The following UBAP2 variants were observed in gnomAD, a reference collection of about 807,000 sequenced individuals.
UBAP2 encodes the protein ubiquitin associated protein 2.
In UBAP2, 75 loss-of-function variants were observed where a neutral mutation model predicts 139.6. The ratio of observed to expected loss-of-function variants is 0.54; its 90% CI spans 0.45 to 0.65. The LOEUF (loss-of-function observed/expected upper bound fraction) is 0.65, where lower values mean the gene tolerates loss of function less well. Among genes scored for constraint, UBAP2 ranks in the 30% least tolerant of loss-of-function variants. The pLI, the probability that UBAP2 is intolerant of heterozygous loss-of-function variation, is 0.00. For synonymous variants in UBAP2, 526 were observed against 526.2 expected (o/e 1.00, Z 0.01); for missense variants, 1,368 against 1,369.6 (o/e 1.00, Z 0.02).
intron 1 of UBAP2, among the ~76,000 whole-genome samples, chr9:34,020,420 G>T (rs1298113805): frequency 2.6e-5 from 4 of 151,820 alleles, no homozygotes; most frequent in African/African-American, 9.7e-5. Context: ...CACCTTCTGG[G>T]TTCAAGCAAT....
At chr9:33,975,997 C>G (rs1165714082) in intron 6 of UBAP2, among the ~76,000 whole-genome samples, 1 of 152,104 alleles carries the variant, frequency 6.6e-6, no homozygotes, top group Non-Finnish European at 1.5e-5. Flanking sequence ...AGGAGGATCG[C>G]TTGAGGCCAG....
chr9:33,929,927 C>G (rs905323696), intron 19 of UBAP2, among the ~76,000 whole-genome samples: 17 of 152,176 alleles, frequency 1.1e-4, no homozygotes, highest in African/African-American at 3.9e-4. Flanking sequence ...CTGCTTGAAC[C>G]TGGGAGGTGG....
chr9:33,986,726 T>C (rs766703712), intron 6 of UBAP2, 34 bp downstream of exon 6: 9 of 1,586,694 alleles, frequency 5.7e-6, no homozygotes, highest in Non-Finnish European at 6.9e-6. Flanking sequence ...TCCCCCTAAT[T>C]GAAAGCATTT....
chr9:33,950,091 A>C (rs556912613), intron 12 of UBAP2, among the ~76,000 whole-genome samples: 1 of 152,066 alleles, frequency 6.6e-6, no homozygotes, highest in Non-Finnish European at 1.5e-5. Context: ...TTTTTGAGAC[A>C]GTCTCGCTCT....
Position 33,943,410 on chromosome 9 carries a change from A to C in UBAP2, c.1715+10T>G. ...TATTTTGCTTCATAACAAAGGACTA[A>C]ATTCAGTACCTTAAAGACTTCGAAT... On this transcript the variant is annotated intron_variant, in intron 15 of 28. Coordinates refer to ENST00000379238, the MANE Select transcript of UBAP2 (RefSeq NM_001370062.2). The C allele has an allele frequency of 6.2e-7, 1 of 1,613,634 alleles. No individual in the cohort carries two copies. The highest frequency in any genetic ancestry group is 8.5e-7 in the Non-Finnish European group (1 of 1,179,798).
At chr9:33,977,218 T>C (rs1820213061) in intron 6 of UBAP2, among the ~76,000 whole-genome samples, 1 of 151,512 alleles carries the variant, frequency 6.6e-6, no homozygotes, top group South Asian at 2.1e-4. Context: ...TTTGTATTTT[T>C]ATTAGAGACG....
intron 1 of UBAP2, among the ~76,000 whole-genome samples, chr9:34,024,207 G>C (rs1411428202): frequency 1.3e-5 from 2 of 150,206 alleles, no homozygotes; most frequent in African/African-American, 4.9e-5. Context: ...CCGGGCGTGG[G>C]GGCACATGCC....
At position 34,048,366 on chromosome 9, in the gene UBAP2, AG is replaced by A. The variant is rs55780748; in HGVS notation, c.-42+458del. On this transcript the variant is annotated intron_variant, in intron 1 of 28. Coordinates refer to ENST00000379238, the MANE Select transcript of UBAP2 (RefSeq NM_001370062.2). ...GACTCCGGGTAAGCCAGGAAAGGTT[AG>A]AGAGCGCATAAGTTGGGGCTATAAC... Among the ~76,000 whole-genome samples, 1,283 of 152,352 alleles carry A rather than the reference AG, an allele frequency of 8.4e-3. 9 individuals carry two copies. The highest frequency in any genetic ancestry group is 0.031 in the Middle Eastern group (9 of 294).
chr9:33,995,936 T>A (rs899208448), intron 4 of UBAP2: 9 of 274,824 alleles, frequency 3.3e-5, no homozygotes, highest in Non-Finnish European at 6.8e-6. Flanking sequence ...GAGATGCTTT[T>A]CAGGTGGGGG....
Position 33,944,534 on chromosome 9 carries a change from A to C in UBAP2, c.1376T>G (p.Phe459Cys). The change falls in exon 14 of 29, where the codon TTT (phenylalanine) becomes TGT (cysteine). Residue 459 changes from phenylalanine to cysteine, a missense_variant. Phe to Cys is a radical substitution (Grantham distance 205). Transcript: ENST00000379238. The stretch of plus-strand genomic sequence containing the variant: ...TTCTCGAAGTTTTGCCTGGGAAGGA[A>C]AGGACTCCAAACCAGGAGGAGGAAC... ...VTVPPPGLES[F>C]PSQAKLREST... is the part of the protein sequence containing the mutation. 1 of 1,614,138 alleles carries C rather than the reference A, an allele frequency of 6.2e-7. No individual in the cohort carries two copies. The highest frequency in any genetic ancestry group is 1.3e-5 in the African/African-American group (1 of 75,034).
chr9:33,922,787 G>A lies in UBAP2; in HGVS notation c.3164C>T (p.Ala1055Val), dbSNP rs1380113503. ...TGGTGGGGGTGCATAGCCAGGGGCC[G>A]CTCCCGAGGCCAGGGGCCCAGTGGA... ...LGSTGPLASG[A>V]APGYAPPPFL... The change falls in exon 28 of 29, where the codon GCG becomes GTG. Residue 1055 changes from alanine to valine, a missense_variant. Coordinates refer to ENST00000379238, the MANE Select transcript of UBAP2 (RefSeq NM_001370062.2). The A allele has an allele frequency of 7.7e-6, 12 of 1,559,924 alleles. No homozygotes were observed. Among genetic ancestry groups the A allele is most frequent in the Middle Eastern group, 1.7e-4 (1 of 5,772 alleles).
intron 5 of UBAP2, 57 bp downstream of exon 5, chr9:33,988,916 G>A (rs1194705888): frequency 6.9e-5 from 107 of 1,551,726 alleles, no homozygotes; most frequent in South Asian, 3.1e-4. Context: ...AGGCTGAGGC[G>A]GGAGGGTCAC....
At chr9:34,002,275 C>T (rs188913484) in intron 2 of UBAP2, among the ~76,000 whole-genome samples, 1 of 151,978 alleles carries the variant, frequency 6.6e-6, no homozygotes, top group African/African-American at 2.4e-5. Context: ...TTATCAAAAA[C>T]AGAATACTTA....
chr9:33,986,809 G>A lies in UBAP2; in HGVS notation c.471C>T (p.Cys157=). ...EFRGEENGID[C]NQVDKPSDRG... ...GATCTGAAGGTTTGTCCACTTGATT[G>A]CAATCAATTCCATTTTCTTCACCTC... Residue 157 remains cysteine, a synonymous_variant, in exon 6 of 29, where the codon TGC becomes TGT. Transcript: ENST00000379238. 6.2e-7 allele frequency: 1 copy of A among 1,614,042 alleles called. No individual in the cohort carries two copies. Among genetic ancestry groups the A allele is most frequent in the Non-Finnish European group, 8.5e-7 (1 of 1,179,970 alleles).
Position 33,946,311 on chromosome 9 carries a change from G to A in UBAP2, c.1271-1672C>T, listed in dbSNP as rs576554521. Among the ~76,000 whole-genome samples, 4 of 152,026 alleles carry A rather than the reference G, an allele frequency of 2.6e-5. No individual in the cohort carries two copies. In the South Asian group the frequency reaches 8.3e-4, roughly 32 times the overall value. On this transcript the variant is annotated intron_variant, in intron 13 of 28. Transcript: ENST00000379238. ...TCATTGTTTGTCTGCCTAATTTGGTGTTTTCTGCCATACCCAGAAAGGTCT... is the reference window on the plus strand; with the variant it reads ...TCATTGTTTGTCTGCCTAATTTGGTATTTTCTGCCATACCCAGAAAGGTCT...
At chr9:33,935,162 G>GT (rs1824350877) in intron 17 of UBAP2, among the ~76,000 whole-genome samples, 1 of 61,760 alleles carries the variant, frequency 1.6e-5, no homozygotes, top group African/African-American at 4.5e-5. Context: ...GTTGGAAGTG[G>GT]CGGGGGGGGG....
chr9:33,982,793 T>C (rs1423728264), intron 6 of UBAP2, among the ~76,000 whole-genome samples: 2 of 152,136 alleles, frequency 1.3e-5, no homozygotes, highest in Non-Finnish European at 2.9e-5. Context: ...ATCAACTTTT[T>C]CCTCAAAGTA....
intron 4 of UBAP2, among the ~76,000 whole-genome samples, chr9:33,992,861 A>G (rs1234889410): frequency 6.6e-6 from 1 of 152,208 alleles, no homozygotes; most frequent in African/African-American, 2.4e-5. Flanking sequence ...TGCTAGTTGC[A>G]GAACAGGTCT....
At chr9:34,005,434 CAAAA>C (rs36086568) in intron 2 of UBAP2, among the ~76,000 whole-genome samples, 8 of 86,298 alleles carry the variant, frequency 9.3e-5, no homozygotes, top group African/African-American at 2.6e-4. Flanking sequence ...GACCCTGTCT[CAAAA>C]AAAAAAAAAA....
Sources: gnomAD v4.1 joint callset for allele counts (sites outside exome capture counted in the v4.1 genomes callset) on GRCh38, gnomAD v4.1.1 for gene constraint, MANE v1.5 for transcripts, NCBI Gene and HGNC (gene_info 2026-07-23, HGNC 2026-07-21) for gene names.